EXOC4: variants seen among roughly 807,000 people sequenced by gnomAD.
The protein encoded by EXOC4 is SEC8-like 1.
Under a neutral mutation model 107.2 loss-of-function variants are expected in EXOC4, and 71 were observed. That is an observed-to-expected ratio of 0.66 (90% CI 0.55 to 0.81). The LOEUF (loss-of-function observed/expected upper bound fraction) is 0.81. Ranked by LOEUF, EXOC4 falls within the 30% of genes least tolerant of loss-of-function variation. The probability of loss-of-function intolerance (pLI) is 0.00; values close to 1 mark genes in which losing one functional copy is unlikely to be tolerated. For missense variants in EXOC4, 1,108 were observed against 1,189.6 expected, an observed-to-expected ratio of 0.93 and a Z score of 1.01; for synonymous variants, 456 against 441.2, an observed-to-expected ratio of 1.03 and a Z score of -0.42.
chr7:133,398,448 A>G lies in EXOC4; in HGVS notation c.1182+23446A>G, dbSNP rs542260351. Among the ~76,000 whole-genome samples, 9 of 152,304 alleles carry G rather than the reference A, an allele frequency of 5.9e-5. No individual in the cohort carries two copies. The East Asian group carries it at 1.5e-3, about 26-fold the overall frequency. On this transcript the variant is annotated intron_variant, in intron 7 of 17. Transcript: ENST00000253861. ...TTAGTTACTTCCTTCCAGTATTTCA[A>G]TTCCTTTCAATCCAGGATCTTAGTG...
At position 133,941,821 on chromosome 7, in the gene EXOC4, TTCTC is replaced by T. The variant is rs67720946; in HGVS notation, c.2206+3779_2206+3782del. On this transcript the variant is annotated intron_variant, in intron 14 of 17. Coordinates refer to ENST00000253861, the MANE Select transcript of EXOC4 (RefSeq NM_021807.4). The stretch of plus-strand genomic sequence containing the variant: ...GTCAGGTCCCAGGCATGCTTACAGA[TTCTC>T]TCTCTCTCTCTCTCTCTCTCTCTCT... Among the ~76,000 whole-genome samples, 536 of 129,568 alleles carry T rather than the reference TTCTC, an allele frequency of 4.1e-3. 8 individuals carry two copies. The highest frequency in any genetic ancestry group is 0.032 in the South Asian group (126 of 3,952). 85.0% of individuals were successfully genotyped at this position (129,568 alleles called of 152,430 possible). A position where few individuals can be genotyped will look rare whatever the true frequency, so the allele number is the denominator to read the frequency against.
At chr7:133,622,076 G>A (rs1176778561) in intron 9 of EXOC4, among the ~76,000 whole-genome samples, 2 of 152,090 alleles carry the variant, frequency 1.3e-5, no homozygotes, top group East Asian at 1.9e-4. Flanking sequence ...CTGGACTCAA[G>A]CTATCTTCCT....
chr7:133,466,313 T>C (rs1435427557), intron 7 of EXOC4, among the ~76,000 whole-genome samples: 1 of 151,514 alleles, frequency 6.6e-6, no homozygotes. Flanking sequence ...GACCAACCAA[T>C]TAAAAAAGAG....
At chr7:133,455,783 A>C (rs1030592110) in intron 7 of EXOC4, among the ~76,000 whole-genome samples, 3 of 152,226 alleles carry the variant, frequency 2.0e-5, no homozygotes, top group Middle Eastern at 3.2e-3. Flanking sequence ...TGCTATTTTG[A>C]CTTAAAGATT....
In EXOC4 at chr7:133,927,189, A is replaced by G. The variant is rs187848498; in HGVS notation, c.2027+9451A>G. 4.4e-4 allele frequency among the ~76,000 whole-genome samples: 66 copies of G among 150,998 alleles called. 1 individual carries two copies. In the East Asian group the frequency reaches 0.012, roughly 28 times the overall value. On this transcript the variant is annotated intron_variant, in intron 13 of 17. Transcript: ENST00000253861. ...GCCTTCAGTGAACTCTCTGAAAGTT[A>G]CATGCATAGTAAGAAATTCCCTTTG...
the EXOC4 span, among the ~76,000 whole-genome samples, chr7:134,083,138 G>C: frequency 6.6e-6 from 1 of 152,126 alleles, no homozygotes; most frequent in Admixed American, 6.5e-5. Context: ...ATATTTGCTG[G>C]TCATAAGCAC....
intron 9 of EXOC4, among the ~76,000 whole-genome samples, chr7:133,621,955 CTG>C (rs1348850361): frequency 7.7e-3 from 3 of 390 alleles, no homozygotes; most frequent in African/African-American, 0.011. Context: ...TTTCTTTTGT[CTG>C]TCTGTCTGTC....
intron 2 of EXOC4, among the ~76,000 whole-genome samples, chr7:133,279,070 T>G (rs1278993607): frequency 1.3e-5 from 2 of 151,582 alleles, no homozygotes; most frequent in African/African-American, 2.4e-5. Context: ...ACATGTGGTG[T>G]TTGGTTTTTT....
intron 10 of EXOC4, among the ~76,000 whole-genome samples, chr7:133,682,540 G>C (rs145930917): frequency 2.6e-5 from 4 of 152,052 alleles, no homozygotes; most frequent in Non-Finnish European, 5.9e-5. Flanking sequence ...TCCCAGTTTT[G>C]GGTATATCTT....
intron 9 of EXOC4, among the ~76,000 whole-genome samples, chr7:133,491,977 G>GACAT (rs1799380450): frequency 6.6e-6 from 1 of 152,188 alleles, no homozygotes; most frequent in Admixed American, 6.5e-5. Context: ...ATTGAACATA[G>GACAT]ACATGGAAGA....
At chr7:133,425,061 A>C (rs540337623) in intron 7 of EXOC4, among the ~76,000 whole-genome samples, 5 of 151,704 alleles carry the variant, frequency 3.3e-5, no homozygotes, top group Admixed American at 1.3e-4. Context: ...CTATGAGGGA[A>C]GGCATGGACT....
intron 9 of EXOC4, among the ~76,000 whole-genome samples, chr7:133,587,518 G>T (rs772983507): frequency 6.6e-6 from 1 of 152,170 alleles, no homozygotes; most frequent in Non-Finnish European, 1.5e-5. Context: ...CAGGTGGGGA[G>T]TTAGCAGCCA....
In EXOC4 at chr7:133,271,169, C is replaced by T. The variant is rs552079935; in HGVS notation, c.87-3813C>T. 1.4e-3 allele frequency among the ~76,000 whole-genome samples: 212 copies of T among 152,180 alleles called. 1 individual carries two copies. The highest frequency in any genetic ancestry group is 3.4e-3 in the Middle Eastern group (1 of 294). On this transcript the variant is annotated intron_variant, in intron 1 of 17. Coordinates refer to ENST00000253861, the MANE Select transcript of EXOC4 (RefSeq NM_021807.4). ...TCCTGACCTTGTGATCTGCCCGCCC[C>T]GGCCTCCCAAAATGCTGGGATTACA...
At chr7:133,611,960 A>G (rs930840660) in intron 9 of EXOC4, among the ~76,000 whole-genome samples, 1 of 152,182 alleles carries the variant, frequency 6.6e-6, no homozygotes, top group African/African-American at 2.4e-5. Context: ...GGTCAACTCC[A>G]TGAGGGCAGG....
At chr7:133,311,549 A>C (rs1201747418) in intron 4 of EXOC4, among the ~76,000 whole-genome samples, 1 of 152,216 alleles carries the variant, frequency 6.6e-6, no homozygotes, top group African/African-American at 2.4e-5. Context: ...AGCCAGATTT[A>C]AAAATCACAT....
chr7:134,005,988 G>A (rs919703794), intron 16 of EXOC4, among the ~76,000 whole-genome samples: 1 of 152,270 alleles, frequency 6.6e-6, no homozygotes, highest in African/African-American at 2.4e-5. Flanking sequence ...GCCAAAAAGT[G>A]TAAGTGATTG....
At chr7:133,564,212 A>T (rs560434593) in intron 9 of EXOC4, among the ~76,000 whole-genome samples, 2 of 152,302 alleles carry the variant, frequency 1.3e-5, no homozygotes, top group East Asian at 3.9e-4. Context: ...GCTTCTGGGA[A>T]GGCCTCAGGA....
chr7:133,547,237 A>G (rs1422637870), intron 9 of EXOC4, among the ~76,000 whole-genome samples: 1 of 152,216 alleles, frequency 6.6e-6, no homozygotes, highest in Non-Finnish European at 1.5e-5. Context: ...TGTAGTTTGT[A>G]AAGTGTGTGA....
chr7:133,880,676 T>C (rs1167857813), intron 11 of EXOC4, among the ~76,000 whole-genome samples: 1 of 152,074 alleles, frequency 6.6e-6, no homozygotes, highest in East Asian at 1.9e-4. Context: ...TGCTGTTATG[T>C]TTTGTTTTGT....
Sources: gnomAD v4.1 joint callset for allele counts (sites outside exome capture counted in the v4.1 genomes callset) on GRCh38, gnomAD v4.1.1 for gene constraint, MANE v1.5 for transcripts, NCBI Gene and HGNC (gene_info 2026-07-23, HGNC 2026-07-21) for gene names.